Variants in SUFU observed in about 807,000 individuals in gnomAD.
The protein encoded by SUFU is SUFU negative regulator of hedgehog signaling, also known as suppressor of fused homolog.
In SUFU, 7 loss-of-function variants were observed where a neutral mutation model predicts 58.9. The observed-to-expected ratio is 0.12, with a 90% CI of 0.07 to 0.22. SUFU has a LOEUF of 0.22. Ranked by LOEUF, SUFU falls within the 10% of genes least tolerant of loss-of-function variation. The probability of loss-of-function intolerance (pLI) is 1.00; values close to 1 mark genes in which losing one functional copy is unlikely to be tolerated. For missense variants in SUFU, 451 were observed against 641.3 expected (o/e 0.70, Z 3.20); for synonymous variants, 232 against 254.8 (o/e 0.91, Z 0.85).
At chr10:102,551,787 C>T (rs1291168113) in intron 3 of SUFU, among the ~76,000 whole-genome samples, 14 of 121,486 alleles carry the variant, frequency 1.2e-4, no homozygotes, top group African/African-American at 3.5e-4. Flanking sequence ...TGCAGTGGTG[C>T]GATCTCGGCT....
At position 102,629,803 on chromosome 10, in the gene SUFU, T is replaced by C. The variant is rs570232722; in HGVS notation, c.1366-263T>C. ...ACCAAGGAAGTGAGCAAGAGGGAGG[T>C]CAGCTTAGTGGAGAAAGGAGGAGAA... On this transcript the variant is annotated intron_variant, in intron 11 of 11. Coordinates refer to ENST00000369902, the MANE Select transcript of SUFU (RefSeq NM_016169.4). The surrounding 1 kb of genome is among the most constrained non-coding windows in gnomAD (Gnocchi z 4.7). Among the ~76,000 whole-genome samples the C allele has an allele frequency of 2.6e-5, 4 of 151,336 alleles. No homozygotes were observed. In the South Asian group the frequency reaches 8.4e-4, roughly 32 times the overall value.
At chr10:102,599,018 G>T (rs2063490839) in intron 7 of SUFU, among the ~76,000 whole-genome samples, 1 of 152,088 alleles carries the variant, frequency 6.6e-6, no homozygotes, top group Non-Finnish European at 1.5e-5. Context: ...AACCCAGAAA[G>T]GTGTGTTAGA....
At chr10:102,511,177 T>A (rs1372630689) in intron 2 of SUFU, among the ~76,000 whole-genome samples, 1 of 151,522 alleles carries the variant, frequency 6.6e-6, no homozygotes, top group Non-Finnish European at 1.5e-5. Context: ...AAACAAAGTT[T>A]TTTTTATTTA....
chr10:102,529,559 G>A (rs2062652771), intron 2 of SUFU, among the ~76,000 whole-genome samples: 1 of 152,250 alleles, frequency 6.6e-6, no homozygotes, highest in East Asian at 1.9e-4. Flanking sequence ...GGATCACGAG[G>A]TCAGGAGTTC....
chr10:102,622,165 C>G (rs766590804), intron 10 of SUFU, among the ~76,000 whole-genome samples: 1 of 152,236 alleles, frequency 6.6e-6, no homozygotes, highest in Non-Finnish European at 1.5e-5. Flanking sequence ...CATTGCCCCC[C>G]TCGCAGCTCA....
At chr10:102,546,859 G>A (rs1462429446) in intron 2 of SUFU, among the ~76,000 whole-genome samples, 1 of 152,252 alleles carries the variant, frequency 6.6e-6, no homozygotes, top group Non-Finnish European at 1.5e-5. Flanking sequence ...GCCAAGTAAG[G>A]GCTGGCCTGC....
Position 102,617,828 on chromosome 10 carries a change from T to C in SUFU, c.1296+400T>C. On this transcript the variant is annotated intron_variant, in intron 10 of 11. Transcript: ENST00000369902. The surrounding 1 kb of genome is among the most constrained non-coding windows in gnomAD (Gnocchi z 4.4). Reference sequence around the variant, plus strand: ...CCACTCTCCAATGGCTACATGGAAATCCCACCAGAATTCAGACAGTGGCAT... The same window carrying C: ...CCACTCTCCAATGGCTACATGGAAACCCCACCAGAATTCAGACAGTGGCAT... 1 of 448,852 alleles carries C rather than the reference T, an allele frequency of 2.2e-6. No homozygotes were observed. The allele number at this position is 448,852 out of a possible 1,614,324, so 27.8% of individuals were successfully genotyped here.
chr10:102,548,672 G>A (rs1387069528), intron 2 of SUFU, among the ~76,000 whole-genome samples: 1 of 152,118 alleles, frequency 6.6e-6, no homozygotes, highest in East Asian at 1.9e-4. Flanking sequence ...GCCTCATGTA[G>A]CTCTCCCTGG....
At chr10:102,593,787 C>A in intron 5 of SUFU, 66 bp downstream of exon 5, 1 of 1,521,922 alleles carries the variant, frequency 6.6e-7, no homozygotes, top group Non-Finnish European at 9.1e-7. Flanking sequence ...CTCCACTACC[C>A]TCCATGTGGG....
chr10:102,503,087 G>A (rs77476517), upstream of SUFU, among the ~76,000 whole-genome samples: 16 of 152,240 alleles, frequency 1.1e-4, no homozygotes, highest in East Asian at 2.9e-3. Flanking sequence ...TCCCCCCGAC[G>A]TTCCCTTAGA....
chr10:102,558,450 C>T (rs1167320434), intron 3 of SUFU, among the ~76,000 whole-genome samples: 1 of 152,188 alleles, frequency 6.6e-6, no homozygotes, highest in Non-Finnish European at 1.5e-5. Context: ...GGCTCAAGTG[C>T]TCTACCCACT....
chr10:102,568,890 AAAAAAAAAT>A (rs2063122922), intron 3 of SUFU, among the ~76,000 whole-genome samples: 2 of 44,206 alleles, frequency 4.5e-5, no homozygotes, highest in Non-Finnish European at 8.0e-5. Flanking sequence ...AAAAAAAAAA[AAAAAAAAAT>A]ATATATATAT....
At position 102,628,026 on chromosome 10, in the gene SUFU, G is replaced by A. The variant is rs1259195040; in HGVS notation, c.1365+783G>A. 6.6e-6 allele frequency among the ~76,000 whole-genome samples: 1 copy of A among 152,200 alleles called. No individual in the cohort carries two copies. Among genetic ancestry groups the A allele is most frequent in the African/African-American group, 2.4e-5 (1 of 41,438 alleles). ...CTCTAGCAGGCTGGCCGGGCCTCTG[G>A]AGAGCTCTCCTGGGCCCTGCCCTGC... On this transcript the variant is annotated intron_variant, in intron 11 of 11. Coordinates refer to ENST00000369902, the MANE Select transcript of SUFU (RefSeq NM_016169.4). The surrounding 1 kb of genome is among the most constrained non-coding windows in gnomAD (Gnocchi z 4.5).
rs2062763437 is a variant in SUFU, at chr10:102,538,246, A to G, written c.318-11724A>G. 2.0e-5 allele frequency among the ~76,000 whole-genome samples: 3 copies of G among 152,204 alleles called. No individual in the cohort carries two copies. The South Asian group carries it at 6.2e-4, about 31-fold the overall frequency. ...TTAGTGACTTGTAATGTCCTACCAC[A>G]TAATGTGCCAGAACTCATATAATAC... is the stretch of plus-strand genomic sequence containing the variant. On this transcript the variant is annotated intron_variant, in intron 2 of 11. Transcript: ENST00000369902.
At chr10:102,531,882 G>A (rs1203906163) in intron 2 of SUFU, among the ~76,000 whole-genome samples, 1 of 152,116 alleles carries the variant, frequency 6.6e-6, no homozygotes, top group Non-Finnish European at 1.5e-5. Flanking sequence ...CAATCAAGGG[G>A]CATAGCACCT....
At chr10:102,577,743 C>T (rs1269244378) in intron 3 of SUFU, among the ~76,000 whole-genome samples, 3 of 149,866 alleles carry the variant, frequency 2.0e-5, no homozygotes, top group Admixed American at 6.7e-5. Flanking sequence ...TGCAGTGGCA[C>T]GATCCCGGCT....
rs147404195 is a variant in SUFU at position 102,630,088 on chromosome 10, G to A, written c.1388G>A (p.Ser463Asn). Reference sequence around the variant, plus strand: ...CAGTTCAAACTTCCCAAAGAGTACAGCTGGCCTGAAAAGAAGCTGAAGGTC... The same window carrying A: ...CAGTTCAAACTTCCCAAAGAGTACAACTGGCCTGAAAAGAAGCTGAAGGTC... Reference protein sequence around the residue: ...PEEFKLPKEYSWPEKKLKVSI... With the variant: ...PEEFKLPKEYNWPEKKLKVSI... Residue 463 changes from serine (S) to asparagine (N), a missense_variant, in exon 12 of 12, where the codon AGC becomes AAC. Physicochemically the swap from Ser to Asn is conservative, Grantham distance 46. Coordinates refer to ENST00000369902, the MANE Select transcript of SUFU (RefSeq NM_016169.4). 1.2e-6 allele frequency: 2 copies of A among 1,614,064 alleles called. No homozygotes were observed. Among genetic ancestry groups the A allele is most frequent in the African/African-American group, 2.7e-5 (2 of 74,928 alleles).
intron 10 of SUFU, chr10:102,618,784 C>G (rs1347410611): frequency 1.2e-5 from 6 of 517,980 alleles, no homozygotes; most frequent in Non-Finnish European, 2.0e-5. Flanking sequence ...TCCCTACCCC[C>G]AGCCATGTCC....
rs972744204 is a variant in SUFU at position 102,629,419 on chromosome 10, G to A, written c.1366-647G>A. On this transcript the variant is annotated intron_variant, in intron 11 of 11. Coordinates refer to ENST00000369902, the MANE Select transcript of SUFU (RefSeq NM_016169.4). The surrounding 1 kb of genome is among the most constrained non-coding windows in gnomAD (Gnocchi z 4.7). ...TGGCCACCACTGGGACCACTCTGAG[G>A]CTGGTAACCCTGGGAAGTGGTGCGA... 6.6e-6 allele frequency among the ~76,000 whole-genome samples: 1 copy of A among 152,210 alleles called. No homozygotes were observed. Among genetic ancestry groups the A allele is most frequent in the Non-Finnish European group, 1.5e-5 (1 of 68,040 alleles).
Sources: gnomAD v4.1 joint callset for allele counts (sites outside exome capture counted in the v4.1 genomes callset) on GRCh38, gnomAD v4.1.1 for gene constraint, Gnocchi (gnomAD v3.1) non-coding constraint, MANE v1.5 for transcripts, NCBI Gene and HGNC (gene_info 2026-07-23, HGNC 2026-07-21) for gene names.